The following GRIN3B variants were observed in gnomAD, a reference collection of about 807,000 sequenced individuals.
GRIN3B encodes glutamate receptor ionotropic, NMDA 3B.
GRIN3B carries 77 observed loss-of-function variants against 66.0 expected under a neutral mutation model. That is an observed-to-expected ratio of 1.17 (90% CI 0.97 to 1.41). GRIN3B has a LOEUF of 1.41. GRIN3B is among the 40% of genes most tolerant of loss of function. GRIN3B has a pLI of 0.00. For synonymous variants in GRIN3B, 823 were observed against 749.7 expected, an observed-to-expected ratio of 1.10 and a Z score of -1.60; for missense variants, 1,787 against 1,564.5, an observed-to-expected ratio of 1.14 and a Z score of -2.40.
intron 8 of GRIN3B, 54 bp downstream of exon 8, chr19:1,008,981 C>A: frequency 1.2e-5 from 18 of 1,549,194 alleles, no homozygotes; most frequent in Non-Finnish European, 1.6e-5. Context: ...CCCACCACCC[C>A]ACCAGCTCGC....
chr19:1,000,455 G>A lies in GRIN3B; in HGVS notation c.18G>A (p.Ala6=). The part of the protein sequence containing the change: MEFVR[A]LWLGLALALG... Reference sequence around the variant, plus strand: ...ACTTTGCGATGGAGTTTGTGCGGGCGCTGTGGCTGGGCCTGGCGCTGGCGC... The same window carrying A: ...ACTTTGCGATGGAGTTTGTGCGGGCACTGTGGCTGGGCCTGGCGCTGGCGC... The change falls in exon 1 of 9, where the codon GCG becomes GCA. Residue 6 remains alanine, a synonymous_variant. Coordinates refer to ENST00000234389, the MANE Select transcript of GRIN3B (RefSeq NM_138690.3). 1.6e-6 allele frequency: 2 copies of A among 1,212,178 alleles called. No individual in the cohort carries two copies. The highest frequency in any genetic ancestry group is 2.1e-6 in the Non-Finnish European group (2 of 973,928). The allele number at this position is 1,212,178 out of a possible 1,614,324, so 75.1% of individuals were successfully genotyped here.
chr19:1,007,929 G>C lies in GRIN3B; in HGVS notation c.2272G>C (p.Asp758His). The C allele has an allele frequency of 1.2e-6, 2 of 1,612,086 alleles. No homozygotes were observed. Among genetic ancestry groups the C allele is most frequent in the Non-Finnish European group, 1.7e-6 (2 of 1,179,654 alleles). ...GGACTACGAGGTCTCCATCGACGCCGACTGCAAACTGCTGACCGTGGGAAA... is the reference window on the plus strand; with the variant it reads ...GGACTACGAGGTCTCCATCGACGCCCACTGCAAACTGCTGACCGTGGGAAA... ...LLDYEVSIDA[D>H]CKLLTVGKPF... Residue 758 changes from aspartate to histidine, a missense_variant, in exon 5 of 9, where the codon GAC becomes CAC. Transcript: ENST00000234389. The surrounding 1 kb of genome is among the most constrained non-coding windows in gnomAD (Gnocchi z 4.4).
Position 1,000,919 on chromosome 19 carries a change from G to T in GRIN3B, c.426+56G>T, listed in dbSNP as rs2038679006. On this transcript the variant is annotated intron_variant, in intron 1 of 8. Coordinates refer to ENST00000234389, the MANE Select transcript of GRIN3B (RefSeq NM_138690.3). ...GGGACCCGGGGCGGGAGCGGGGTCG[G>T]GAGCCCTGGGGACGTCCGGAGTCAG... The T allele has an allele frequency of 2.3e-6, 3 of 1,328,480 alleles. No homozygotes were observed. In the African/African-American group the frequency reaches 4.6e-5, roughly 21 times the overall value. The allele number at this position is 1,328,480 out of a possible 1,614,324, so 82.3% of individuals were successfully genotyped here. A position where few individuals can be genotyped will look rare whatever the true frequency, so the allele number is the denominator to read the frequency against.
chr19:1,001,353 G>T (rs1237342089), intron 1 of GRIN3B, among the ~76,000 whole-genome samples: 1 of 149,794 alleles, frequency 6.7e-6, no homozygotes, highest in African/African-American at 2.5e-5. Context: ...CCTCCTTCCA[G>T]CATTCTCCCC....
Position 1,003,194 on chromosome 19 carries a change from C to A in GRIN3B, c.491C>A (p.Ala164Glu). The A allele has an allele frequency of 2.0e-6, 3 of 1,524,122 alleles. No homozygotes were observed. Among genetic ancestry groups the A allele is most frequent in the South Asian group, 1.3e-5 (1 of 78,440 alleles). 94.4% of individuals were successfully genotyped at this position (1,524,122 alleles called of 1,614,324 possible). ...GAGACGCTGCTGGATGTGCTGGTGG[C>A]GGTGCTGCAGGCGCACGCCTGGGAA... ...PLETLLDVLV[A>E]VLQAHAWEDV... The change falls in exon 2 of 9, where the codon GCG (alanine) becomes GAG (glutamate). Residue 164 changes from alanine to glutamate, a missense_variant. Physicochemically the swap from Ala to Glu is moderately radical, Grantham distance 107 (BLOSUM62 -1). Transcript: ENST00000234389.
chr19:1,009,613 G>T lies in GRIN3B; in HGVS notation c.*11G>T, dbSNP rs374704474. The T allele has an allele frequency of 1.2e-4, 175 of 1,415,194 alleles. No individual in the cohort carries two copies. Among genetic ancestry groups the T allele is most frequent in the Non-Finnish European group, 1.5e-4 (164 of 1,090,124 alleles). The allele number at this position is 1,415,194 out of a possible 1,614,324, so 87.7% of individuals were successfully genotyped here. On this transcript the variant is annotated 3_prime_UTR_variant, in exon 9 of 9. Transcript: ENST00000234389. ...GGGAGCCAGGAATGAGGCGGCAGCC[G>T]GGCCGTTTGGGCTCAAGACACACAC... is the stretch of plus-strand genomic sequence containing the variant.
rs1328888882 is a variant in GRIN3B, at chr19:1,008,928, G to T, written c.2702+1G>T. 3.1e-6 allele frequency: 5 copies of T among 1,605,168 alleles called. No individual in the cohort carries two copies. Among genetic ancestry groups the T allele is most frequent in the East Asian group, 2.2e-5 (1 of 44,490 alleles). On this transcript the variant is annotated splice_donor_variant, in intron 8 of 8. Coordinates refer to ENST00000234389, the MANE Select transcript of GRIN3B (RefSeq NM_138690.3). LOFTEE classifies it high-confidence loss of function. ...AGGAGACGGCAGAGGCGGAGCCCAG[G>T]TAAGTGGTGGTCGGGGCGGACCACG... is the stretch of plus-strand genomic sequence containing the variant.
chr19:1,004,502 C>G lies in GRIN3B; in HGVS notation c.1020-19C>G, dbSNP rs757098183. ...GGTGTGAACTTCGACACCTGACACC[C>G]CCCCCGCCCTGCCCCTAGGTTCCTG... On this transcript the variant is annotated intron_variant, in intron 2 of 8. Coordinates refer to ENST00000234389, the MANE Select transcript of GRIN3B (RefSeq NM_138690.3). 1.2e-5 allele frequency: 19 copies of G among 1,540,030 alleles called. 2 individuals carry two copies. The highest frequency in any genetic ancestry group is 1.6e-5 in the Non-Finnish European group (18 of 1,132,568).
Position 1,007,650 on chromosome 19 carries a change from T to C in GRIN3B, c.2075T>C (p.Phe692Ser). Residue 692 changes from phenylalanine (F) to serine (S), a missense_variant, in exon 4 of 9, where the codon TTC becomes TCC. Transcript: ENST00000234389. The surrounding 1 kb of genome is among the most constrained non-coding windows in gnomAD (Gnocchi z 4.4). ...DPKLHHPAQGFRFGTVWESSA... is the reference protein window; with the variant it reads ...DPKLHHPAQGSRFGTVWESSA... ...CAGCTGCACCACCCGGCGCAGGGCT[T>C]CCGCTTCGGCACCGTGTGGGAGAGC... 3 of 1,523,996 alleles carry C rather than the reference T, an allele frequency of 2.0e-6. No individual in the cohort carries two copies. The highest frequency in any genetic ancestry group is 2.6e-6 in the Non-Finnish European group (3 of 1,138,318). 94.4% of individuals were successfully genotyped at this position (1,523,996 alleles called of 1,614,324 possible).
intron 1 of GRIN3B, among the ~76,000 whole-genome samples, chr19:1,001,846 T>C (rs1200420453): frequency 6.6e-6 from 1 of 151,914 alleles, no homozygotes; most frequent in African/African-American, 2.4e-5. Context: ...TCTGCTGCCG[T>C]CTCCAGGAGC....
chr19:1,003,016 G>A lies in GRIN3B; in HGVS notation c.427-114G>A, dbSNP rs2038698802. On this transcript the variant is annotated intron_variant, in intron 1 of 8. Transcript: ENST00000234389. The stretch of plus-strand genomic sequence containing the variant: ...AGGGCTGGGGCTGGGGGGAGGTGGA[G>A]GGGAGGTGCAGCCATCCAGCTGGCA... The A allele has an allele frequency of 6.1e-6, 4 of 653,750 alleles. No individual in the cohort carries two copies. In the South Asian group the frequency reaches 9.2e-5, roughly 15 times the overall value. The allele number at this position is 653,750 out of a possible 1,614,324, so 40.5% of individuals were successfully genotyped here.
Position 1,007,749 on chromosome 19 carries a change from C to T in GRIN3B, c.2174C>T (p.Thr725Met). Reference sequence around the variant, plus strand: ...ATGCGGCGCCACAGCGCGCCCACCACGCCCCGCGGCGTCGCCATGCTCACG... The same window carrying T: ...ATGCGGCGCCACAGCGCGCCCACCATGCCCCGCGGCGTCGCCATGCTCACG... ...AHMRRHSAPT[T>M]PRGVAMLTSD... Residue 725 changes from threonine to methionine, a missense_variant, in exon 4 of 9, where the codon ACG (threonine) becomes ATG (methionine). Transcript: ENST00000234389. The surrounding 1 kb of genome is among the most constrained non-coding windows in gnomAD (Gnocchi z 4.4). 2.6e-6 allele frequency: 4 copies of T among 1,518,110 alleles called. No homozygotes were observed. Among genetic ancestry groups the T allele is most frequent in the African/African-American group, 1.4e-5 (1 of 69,696 alleles). 94.0% of individuals were successfully genotyped at this position (1,518,110 alleles called of 1,614,324 possible). A position where few individuals can be genotyped will look rare whatever the true frequency, so the allele number is the denominator to read the frequency against.
rs148079660 is a variant in GRIN3B at position 1,004,987 on chromosome 19, G to C, written c.1486G>C (p.Glu496Gln). The C allele has an allele frequency of 9.3e-6, 15 of 1,612,010 alleles. No individual in the cohort carries two copies. In the Admixed American group the frequency reaches 1.7e-4, roughly 18 times the overall value. Residue 496 changes from glutamate to glutamine, a missense_variant, in exon 3 of 9, where the codon GAG becomes CAG. Transcript: ENST00000234389. The part of the protein sequence containing the change: ...RLAEDTPFDF[E>Q]LYLVGDGKYG... ...GGCGGAGGACACGCCCTTCGACTTCGAGCTGTACCTCGTGGGTGACGGCAA... is the reference window on the plus strand; with the variant it reads ...GGCGGAGGACACGCCCTTCGACTTCCAGCTGTACCTCGTGGGTGACGGCAA...
Position 1,008,471 on chromosome 19 carries a change from C to A in GRIN3B, c.2467-147C>A, listed in dbSNP as rs1048264181. 2.8e-6 allele frequency: 3 copies of A among 1,053,500 alleles called. No homozygotes were observed. The African/African-American group carries it at 4.7e-5, about 17-fold the overall frequency. The allele number at this position is 1,053,500 out of a possible 1,614,324, so 65.3% of individuals were successfully genotyped here. On this transcript the variant is annotated intron_variant, in intron 6 of 8. Transcript: ENST00000234389. ...GCCCCTTCCTCCATGAAACCTCACTCCCCCCAGCCATGGAGTCCCTGCCTC... is the reference window on the plus strand; with the variant it reads ...GCCCCTTCCTCCATGAAACCTCACTACCCCCAGCCATGGAGTCCCTGCCTC...
rs916637706 is a variant in GRIN3B at position 1,005,896 on chromosome 19, C to T, written c.2052+343C>T. Among the ~76,000 whole-genome samples, 3 of 151,862 alleles carry T rather than the reference C, an allele frequency of 2.0e-5. No homozygotes were observed. Among genetic ancestry groups the T allele is most frequent in the African/African-American group, 7.3e-5 (3 of 41,346 alleles). On this transcript the variant is annotated intron_variant, in intron 3 of 8. Coordinates refer to ENST00000234389, the MANE Select transcript of GRIN3B (RefSeq NM_138690.3). This position sits in a 1 kb window ranked among gnomAD's most constrained non-coding sequence, Gnocchi z 5.2. ...GTGGGCACCTGTAATCCCAGCTACT[C>T]GGGAGGCTGAGGCAGGAGAATCACT...
Position 1,003,141 on chromosome 19 carries a change from C to A in GRIN3B, c.438C>A (p.His146Gln). ...RAPLGAPNPF[H>Q]LQLHWASPLE... is the part of the protein sequence containing the mutation. ...CACCCCTCTCCCAGAACCCATTCCA[C>A]CTGCAGCTGCACTGGGCCAGCCCCC... The change falls in exon 2 of 9, where the codon CAC (histidine) becomes CAA (glutamine). Residue 146 changes from histidine (H) to glutamine (Q), a missense_variant. Transcript: ENST00000234389. 1 of 1,453,236 alleles carries A rather than the reference C, an allele frequency of 6.9e-7. No homozygotes were observed. The highest frequency in any genetic ancestry group is 9.1e-7 in the Non-Finnish European group (1 of 1,104,966). 90.0% of individuals were successfully genotyped at this position (1,453,236 alleles called of 1,614,324 possible). A position where few individuals can be genotyped will look rare whatever the true frequency, so the allele number is the denominator to read the frequency against.
Position 1,000,771 on chromosome 19 carries a change from G to T in GRIN3B, c.334G>T (p.Glu112Ter). The change falls in exon 1 of 9, where the codon GAG becomes TAG. Residue 112 changes from glutamate to a stop codon, truncating the protein, a stop_gained. Transcript: ENST00000234389. LOFTEE classifies it high-confidence loss of function. ...ALLAFPEARP[E>*]LLQLHFLAAA... ...GCTCGCCTTTCCCGAGGCTCGGCCC[G>T]AGCTGCTGCAGCTGCACTTCCTGGC... 2.8e-6 allele frequency: 4 copies of T among 1,449,030 alleles called. No homozygotes were observed. The Admixed American group carries it at 8.0e-5, about 29-fold the overall frequency. The allele number at this position is 1,449,030 out of a possible 1,614,324, so 89.8% of individuals were successfully genotyped here.
Position 1,000,810 on chromosome 19 carries a change from A to T in GRIN3B, c.373A>T (p.Thr125Ser), listed in dbSNP as rs1453982183. 1 of 1,443,224 alleles carries T rather than the reference A, an allele frequency of 6.9e-7. No homozygotes were observed. Among genetic ancestry groups the T allele is most frequent in the Non-Finnish European group, 9.0e-7 (1 of 1,105,040 alleles). The allele number at this position is 1,443,224 out of a possible 1,614,324, so 89.4% of individuals were successfully genotyped here. ...QLHFLAAATE[T>S]PVLSLLRREA... ...GCACTTCCTGGCGGCGGCCACCGAGACCCCCGTGCTCAGCCTGCTGCGGCG... is the reference window on the plus strand; with the variant it reads ...GCACTTCCTGGCGGCGGCCACCGAGTCCCCCGTGCTCAGCCTGCTGCGGCG... Residue 125 changes from threonine to serine, a missense_variant, in exon 1 of 9, where the codon ACC becomes TCC. By Grantham distance (58) the Thr-to-Ser change is moderately conservative. Coordinates refer to ENST00000234389, the MANE Select transcript of GRIN3B (RefSeq NM_138690.3).
At position 1,007,696 on chromosome 19, in the gene GRIN3B, G is replaced by A. The variant is rs745895540; in HGVS notation, c.2121G>A (p.Lys707=). Residue 707 remains lysine, a synonymous_variant, in exon 4 of 9, where the codon AAG becomes AAA. Coordinates refer to ENST00000234389, the MANE Select transcript of GRIN3B (RefSeq NM_138690.3). The surrounding 1 kb of genome is among the most constrained non-coding windows in gnomAD (Gnocchi z 4.4). ...AGAGCAGCGCCGAGGCGTACATCAA[G>A]AAGAGCTTCCCCGACATGCACGCAC... ...VWESSAEAYI[K]KSFPDMHAHM... 7 of 1,537,516 alleles carry A rather than the reference G, an allele frequency of 4.6e-6. No homozygotes were observed. The highest frequency in any genetic ancestry group is 1.7e-4 in the Middle Eastern group (1 of 5,988).
Sources: allele counts gnomAD v4.1 joint callset (sites outside exome capture counted in the v4.1 genomes callset), GRCh38; gene constraint gnomAD v4.1.1; non-coding constraint Gnocchi (gnomAD v3.1); transcripts MANE v1.5; gene names NCBI Gene and HGNC (gene_info 2026-07-23, HGNC 2026-07-21).